SLC16A1: variants seen among roughly 807,000 people sequenced by gnomAD.
SLC16A1 encodes the protein monocarboxylate transporter 1.
In SLC16A1, 11 loss-of-function variants were observed where a neutral mutation model predicts 32.2. The ratio of observed to expected loss-of-function variants is 0.34; its 90% confidence interval spans 0.21 to 0.56. The LOEUF (loss-of-function observed/expected upper bound fraction) is 0.56. Ranked by LOEUF, SLC16A1 falls within the 20% of genes least tolerant of loss-of-function variation. SLC16A1 has a pLI of 0.87. For missense variants in SLC16A1, 435 were observed against 615.0 expected (o/e 0.71, Z 3.10); for synonymous variants, 231 against 226.8 (o/e 1.02, Z -0.17).
chr1:112,935,057 T>G (rs2101639161), intron 1 of SLC16A1, among the ~76,000 whole-genome samples: 1 of 152,250 alleles, frequency 6.6e-6, no homozygotes, highest in African/African-American at 2.4e-5. Flanking sequence ...TCTCTAAAAT[T>G]ATGTCTTTCT....
intron 2 of SLC16A1, 153 bp from the exon 3 acceptor site, chr1:112,922,286 A>G (rs1648764786): frequency 1.4e-6 from 1 of 699,726 alleles, no homozygotes; most frequent in South Asian, 1.8e-5. Flanking sequence ...TCACATGTGT[A>G]CTAAAATAAA....
rs1326023321 is a variant in SLC16A1, at chr1:112,922,182, C to T, written c.218-49G>A. 5 of 1,556,108 alleles carry T rather than the reference C, an allele frequency of 3.2e-6. No individual in the cohort carries two copies. The African/African-American group carries it at 4.1e-5, about 13-fold the overall frequency. ...TAATATAAAGGAAACTGCTCCCTCACATCTACACAAGTATGAATGACAATG... is the reference window on the plus strand; with the variant it reads ...TAATATAAAGGAAACTGCTCCCTCATATCTACACAAGTATGAATGACAATG... On this transcript the variant is annotated intron_variant, in intron 2 of 4. Transcript: ENST00000369626.
chr1:112,936,480 CAAAAAAAAAA>C (rs35673011), intron 1 of SLC16A1, among the ~76,000 whole-genome samples: 14 of 54,894 alleles, frequency 2.6e-4, no homozygotes, highest in African/African-American at 3.3e-4. Flanking sequence ...GACTCTGTCT[CAAAAAAAAAA>C]AAAAAAAAAA....
chr1:112,918,853 A>G (rs1648610231), intron 3 of SLC16A1, among the ~76,000 whole-genome samples: 1 of 152,084 alleles, frequency 6.6e-6, no homozygotes, highest in Non-Finnish European at 1.5e-5. Flanking sequence ...GATCCCTTCC[A>G]CTATAGCACC....
At chr1:112,924,184 G>T in intron 2 of SLC16A1, 3 of 1,504,274 alleles carry the variant, frequency 2.0e-6, no homozygotes, top group Non-Finnish European at 2.8e-6. Flanking sequence ...CAGCTGCAGG[G>T]TGCCCACGGG....
At chr1:112,937,229 G>A (rs559830948) in intron 1 of SLC16A1, among the ~76,000 whole-genome samples, 6 of 152,170 alleles carry the variant, frequency 3.9e-5, no homozygotes, top group South Asian at 4.1e-4. Flanking sequence ...CGTGCTGGAC[G>A]TGATTAAACT....
intron 2 of SLC16A1, among the ~76,000 whole-genome samples, chr1:112,925,072 C>A (rs1437675770): frequency 6.6e-6 from 1 of 152,204 alleles, no homozygotes; most frequent in Non-Finnish European, 1.5e-5. Context: ...GAAAACCAGA[C>A]ATTTCCTCAG....
chr1:112,950,733 A>T (rs150638969), intron 1 of SLC16A1, among the ~76,000 whole-genome samples: 1 of 152,346 alleles, frequency 6.6e-6, no homozygotes, highest in East Asian at 1.9e-4. Context: ...GAGGTAGCTC[A>T]CACCTGTAAT....
chr1:112,944,567 C>T (rs1649627968), intron 1 of SLC16A1, among the ~76,000 whole-genome samples: 1 of 152,204 alleles, frequency 6.6e-6, no homozygotes, highest in Non-Finnish European at 1.5e-5. Context: ...ATTCTACCAT[C>T]CTCATTTAAA....
chr1:112,930,697 A>G (rs958542237), intron 1 of SLC16A1, among the ~76,000 whole-genome samples: 2 of 151,774 alleles, frequency 1.3e-5, no homozygotes, highest in Admixed American at 1.3e-4. Context: ...AAGATAACAC[A>G]TAATACATAA....
Position 112,917,421 on chromosome 1 carries a change from T to G in SLC16A1, c.985A>C (p.Ile329Leu), listed in dbSNP as rs1191878641. ...ACGGAAGCCGCAAAGAAATACTGAATTCGAGGTCTTATTGGCTTTGTGTTG... is the reference window on the plus strand; with the variant it reads ...ACGGAAGCCGCAAAGAAATACTGAAGTCGAGGTCTTATTGGCTTTGTGTTG... ...VANTKPIRPR[I>L]QYFFAASVVA... The change falls in exon 4 of 5, where the codon ATT becomes CTT. Residue 329 changes from isoleucine to leucine, a missense_variant. Physicochemically the swap from Ile to Leu is conservative, Grantham distance 5. This residue lies in a region of SLC16A1 where 324 missense variants were observed against 500.3 expected (regional missense o/e 0.65). Coordinates refer to ENST00000369626, the MANE Select transcript of SLC16A1 (RefSeq NM_003051.4). This position sits in a 1 kb window ranked among gnomAD's most constrained non-coding sequence, Gnocchi z 4.1. 1 of 1,614,164 alleles carries G rather than the reference T, an allele frequency of 6.2e-7. No homozygotes were observed. Among genetic ancestry groups the G allele is most frequent in the Admixed American group, 1.7e-5 (1 of 60,028 alleles).
Position 112,917,856 on chromosome 1 carries a change from A to G in SLC16A1, c.550T>C (p.Leu184=). ...WRGSFLILGG[L]LLNCCVAGAL... ...CCAGCAACACAGCAGTTTAGTAGCA[A>G]GCCCCCAAGAATTAGAAAGCTTCCT... is the stretch of plus-strand genomic sequence containing the variant. Residue 184 remains leucine (L), a synonymous_variant, in exon 4 of 5, where the codon TTG becomes CTG. Transcript: ENST00000369626. This position sits in a 1 kb window ranked among gnomAD's most constrained non-coding sequence, Gnocchi z 4.1. 1 of 1,612,854 alleles carries G rather than the reference A, an allele frequency of 6.2e-7. No homozygotes were observed. The highest frequency in any genetic ancestry group is 1.1e-5 in the South Asian group (1 of 90,892).
At chr1:112,915,829 A>T (rs1055271202) in intron 4 of SLC16A1, among the ~76,000 whole-genome samples, 1 of 152,050 alleles carries the variant, frequency 6.6e-6, no homozygotes, top group South Asian at 2.1e-4. Flanking sequence ...ATACTCACTC[A>T]CTCCCCAAAT....
Position 112,917,840 on chromosome 1 carries a change from CAGCAGTTTAGT to C in SLC16A1, c.555_565del (p.Leu186CysfsTer20), listed in dbSNP as rs1557844310. 6.2e-7 allele frequency: 1 copy of C among 1,614,058 alleles called. No individual in the cohort carries two copies. Among genetic ancestry groups the C allele is most frequent in the Admixed American group, 1.7e-5 (1 of 59,998 alleles). Reference sequence around the variant, plus strand: ...TGGTCGCATGAGGGCTCCAGCAACACAGCAGTTTAGTAGCAAGCCCCCAAGAATTAGAAAGC... The same window carrying C: ...TGGTCGCATGAGGGCTCCAGCAACACAGCAAGCCCCCAAGAATTAGAAAGC... On this transcript the variant is annotated frameshift_variant, in exon 4 of 5. Transcript: ENST00000369626. LOFTEE classifies it high-confidence loss of function. The surrounding 1 kb of genome is among the most constrained non-coding windows in gnomAD (Gnocchi z 4.1).
intron 1 of SLC16A1, 85 bp from the exon 2 acceptor site, chr1:112,929,437 T>C (rs1469474091): frequency 3.6e-5 from 28 of 772,478 alleles, no homozygotes; most frequent in Non-Finnish European, 5.2e-5. Context: ...TAGCCAATCG[T>C]GGTGGATCAT....
intron 1 of SLC16A1, among the ~76,000 whole-genome samples, chr1:112,933,830 TTATAGA>T (rs1649217182): frequency 6.6e-6 from 1 of 152,178 alleles, no homozygotes; most frequent in South Asian, 2.1e-4. Flanking sequence ...CCTTATAAAG[TTATAGA>T]TATATTTAAC....
intron 2 of SLC16A1, 60 bp from the exon 3 acceptor site, chr1:112,922,193 G>C (rs1648761613): frequency 6.6e-7 from 1 of 1,507,420 alleles, no homozygotes; most frequent in Non-Finnish European, 9.2e-7. Flanking sequence ...ATCTACACAA[G>C]TATGAATGAC....
chr1:112,916,948 T>C (rs1294404272), intron 4 of SLC16A1, among the ~76,000 whole-genome samples: 1 of 152,038 alleles, frequency 6.6e-6, no homozygotes, highest in Non-Finnish European at 1.5e-5. Flanking sequence ...GAAAAAACAC[T>C]GACATTTGTA....
At position 112,929,264 on chromosome 1, in the gene SLC16A1, A is replaced by G. The variant is rs775954493; in HGVS notation, c.45T>C (p.Asp15=). Reference sequence around the variant, plus strand: ...TTACCACTGCCCAGCCCCAGCCTCCATCTGGGGGGGTGTATCCAACTGGAC... The same window carrying G: ...TTACCACTGCCCAGCCCCAGCCTCCGTCTGGGGGGGTGTATCCAACTGGAC... The part of the protein sequence containing the change: ...VGGPVGYTPP[D]GGWGWAVVIG... Residue 15 remains aspartate, a synonymous_variant, in exon 2 of 5, where the codon GAT becomes GAC. Coordinates refer to ENST00000369626, the MANE Select transcript of SLC16A1 (RefSeq NM_003051.4). 1.7e-5 allele frequency: 27 copies of G among 1,614,124 alleles called. No homozygotes were observed. The highest frequency in any genetic ancestry group is 2.2e-5 in the Non-Finnish European group (26 of 1,180,016).
Sources: gnomAD v4.1 joint callset for allele counts (sites outside exome capture counted in the v4.1 genomes callset) on GRCh38, gnomAD v4.1.1 for gene constraint, gnomAD v4.1.1 regional missense constraint, Gnocchi (gnomAD v3.1) non-coding constraint, MANE v1.5 for transcripts, NCBI Gene and HGNC (gene_info 2026-07-23, HGNC 2026-07-21) for gene names.